SLCO6A1: variants seen among roughly 807,000 people sequenced by gnomAD.
The protein encoded by SLCO6A1 is cancer/testis antigen 48.
SLCO6A1 carries 65 observed loss-of-function variants against 72.7 expected under a neutral mutation model. The observed-to-expected ratio is 0.89, with a 90% confidence interval of 0.73 to 1.10. The LOEUF is 1.10. Ranked by LOEUF, SLCO6A1 falls within the 50% of genes least tolerant of loss-of-function variation. The pLI, the probability that SLCO6A1 is intolerant of heterozygous loss-of-function variation, is 0.00. For synonymous variants in SLCO6A1, 314 were observed against 298.2 expected (o/e 1.05, Z -0.55); for missense variants, 874 against 872.6 (o/e 1.00, Z -0.02).
At chr5:102,463,663 G>A (rs1214509278) in intron 4 of SLCO6A1, among the ~76,000 whole-genome samples, 2 of 152,094 alleles carry the variant, frequency 1.3e-5, no homozygotes, top group Non-Finnish European at 2.9e-5. Context: ...GAGGCGGGGG[G>A]ATCACCTGAG....
chr5:102,459,458 T>C (rs1750908636), intron 5 of SLCO6A1, among the ~76,000 whole-genome samples, 198 bp downstream of exon 5: 1 of 152,050 alleles, frequency 6.6e-6, no homozygotes, highest in Admixed American at 6.6e-5. Context: ...GGTACATAAA[T>C]CAAATAATAT....
intron 6 of SLCO6A1, among the ~76,000 whole-genome samples, chr5:102,445,613 A>T (rs146880510): frequency 3.8e-4 from 58 of 152,116 alleles, no homozygotes; most frequent in African/African-American, 1.3e-3. Flanking sequence ...TTTTGTCATG[A>T]TTGTTTTCAG....
intron 12 of SLCO6A1, among the ~76,000 whole-genome samples, chr5:102,383,095 AAT>A (rs60473195): frequency 1.3e-4 from 17 of 128,528 alleles, no homozygotes; most frequent in South Asian, 2.4e-4. Flanking sequence ...TATGTGTGTG[AAT>A]ATATATATAT....
intron 4 of SLCO6A1, among the ~76,000 whole-genome samples, chr5:102,465,957 C>T (rs1429909983): frequency 6.6e-6 from 1 of 152,092 alleles, no homozygotes; most frequent in African/African-American, 2.4e-5. Flanking sequence ...AGCAGAAACC[C>T]ATTCCTCCCC....
At chr5:102,417,556 G>A (rs1358528135) in intron 8 of SLCO6A1, among the ~76,000 whole-genome samples, 1 of 151,952 alleles carries the variant, frequency 6.6e-6, no homozygotes, top group East Asian at 1.9e-4. Context: ...ACTTAACACA[G>A]TCTACCAACA....
At chr5:102,422,878 A>T (rs1189140603) in intron 7 of SLCO6A1, among the ~76,000 whole-genome samples, 1 of 152,130 alleles carries the variant, frequency 6.6e-6, no homozygotes. Flanking sequence ...CTAGAGAGAA[A>T]GGTCAGGTTA....
intron 10 of SLCO6A1, among the ~76,000 whole-genome samples, chr5:102,396,422 G>T (rs1046296728): frequency 9.2e-5 from 14 of 152,222 alleles, no homozygotes; most frequent in African/African-American, 3.4e-4. Flanking sequence ...CAATTATTGT[G>T]CTTCTCTGTT....
chr5:102,374,741 G>A (rs1285295694), intron 12 of SLCO6A1, among the ~76,000 whole-genome samples: 1 of 152,046 alleles, frequency 6.6e-6, no homozygotes, highest in Admixed American at 6.6e-5. Flanking sequence ...TTGTAACATA[G>A]TAAATAACAC....
intron 5 of SLCO6A1, among the ~76,000 whole-genome samples, chr5:102,458,834 A>C (rs1025834432): frequency 6.6e-6 from 1 of 152,172 alleles, no homozygotes; most frequent in African/African-American, 2.4e-5. Context: ...TTTGCCCTAA[A>C]ATATGAGGGA....
At chr5:102,419,705 G>T in intron 8 of SLCO6A1, 121 bp downstream of exon 8, 1 of 788,038 alleles carries the variant, frequency 1.3e-6, no homozygotes, top group Non-Finnish European at 2.0e-6. Flanking sequence ...TCTTTTATGT[G>T]TTTGATAATT....
Position 102,481,480 on chromosome 5 carries a change from C to G in SLCO6A1, c.359-1046G>C, listed in dbSNP as rs942967490. Among the ~76,000 whole-genome samples the G allele has an allele frequency of 2.2e-4, 34 of 152,186 alleles. 1 individual carries two copies. The highest frequency in any genetic ancestry group is 8.0e-4 in the African/African-American group (33 of 41,448). ...TTTTTCAAATCTGCTGCCACAGATT[C>G]ACTTGCAGCATGTAAGTCGAAGTCA... is the stretch of plus-strand genomic sequence containing the variant. On this transcript the variant is annotated intron_variant, in intron 1 of 13. Coordinates refer to ENST00000506729, the MANE Select transcript of SLCO6A1 (RefSeq NM_173488.5).
At position 102,422,836 on chromosome 5, in the gene SLCO6A1, G is replaced by C. The variant is rs561900553; in HGVS notation, c.1277-2815C>G. On this transcript the variant is annotated intron_variant, in intron 7 of 13. Transcript: ENST00000506729. ...GACACATAATCATCAGATTAATCAA[G>C]GTTAAAACAAAGCAAAAAATGTTAA... Among the ~76,000 whole-genome samples, 4 of 152,150 alleles carry C rather than the reference G, an allele frequency of 2.6e-5. No individual in the cohort carries two copies. The South Asian group carries it at 8.3e-4, about 32-fold the overall frequency.
At chr5:102,467,632 T>C (rs1751378748) in intron 4 of SLCO6A1, among the ~76,000 whole-genome samples, 1 of 152,038 alleles carries the variant, frequency 6.6e-6, no homozygotes, top group Admixed American at 6.6e-5. Flanking sequence ...CCAAACCGTA[T>C]CAGTGGCATT....
At chr5:102,376,013 A>C (rs2112468627) in intron 12 of SLCO6A1, among the ~76,000 whole-genome samples, 1 of 152,302 alleles carries the variant, frequency 6.6e-6, no homozygotes, top group Middle Eastern at 3.4e-3. Flanking sequence ...ATTTAACAAG[A>C]GTCAGACAAA....
intron 5 of SLCO6A1, 124 bp downstream of exon 5, chr5:102,459,532 A>G: frequency 9.0e-7 from 1 of 1,114,732 alleles, no homozygotes; most frequent in Non-Finnish European, 1.2e-6. Context: ...TCTCTATGAC[A>G]AACCACTACA....
intron 9 of SLCO6A1, among the ~76,000 whole-genome samples, chr5:102,402,897 A>G (rs1430753958): frequency 6.6e-5 from 10 of 152,192 alleles, no homozygotes; most frequent in Non-Finnish European, 1.5e-4. Context: ...GTTAATTACT[A>G]TATAATGTTA....
intron 7 of SLCO6A1, among the ~76,000 whole-genome samples, chr5:102,425,962 C>G (rs769375935): frequency 6.6e-6 from 1 of 152,118 alleles, no homozygotes; most frequent in Non-Finnish European, 1.5e-5. Flanking sequence ...AGAAATAATG[C>G]TGTGTATCTA....
intron 1 of SLCO6A1, among the ~76,000 whole-genome samples, chr5:102,489,265 C>T (rs1752570272): frequency 6.6e-6 from 1 of 152,194 alleles, no homozygotes; most frequent in Admixed American, 6.5e-5. Flanking sequence ...TGACTCTCCT[C>T]TCCTTCTCTT....
chr5:102,472,940 G>T (rs1751701753), intron 4 of SLCO6A1, among the ~76,000 whole-genome samples: 2 of 151,912 alleles, frequency 1.3e-5, no homozygotes, highest in Admixed American at 1.3e-4. Context: ...AAGAAACAAA[G>T]TATCTGAACA....
Sources: gnomAD v4.1 joint callset for allele counts (sites outside exome capture counted in the v4.1 genomes callset) on GRCh38, gnomAD v4.1.1 for gene constraint, MANE v1.5 for transcripts, NCBI Gene and HGNC (gene_info 2026-07-23, HGNC 2026-07-21) for gene names.